Variants in FGD1 observed in about 807,000 individuals in gnomAD.
The protein encoded by FGD1 is FYVE, RhoGEF and PH domain containing 1.
Under a neutral mutation model 65.0 loss-of-function variants are expected in FGD1, and 12 were observed. The ratio of observed to expected loss-of-function variants is 0.18; its 90% CI spans 0.12 to 0.30. The LOEUF (loss-of-function observed/expected upper bound fraction) is 0.30, where lower values mean the gene tolerates loss of function less well. FGD1 is among the 10% of genes least tolerant of loss of function. The pLI, the probability that FGD1 is intolerant of heterozygous loss-of-function variation, is 1.00. For synonymous variants in FGD1, 333 were observed against 343.9 expected, an observed-to-expected ratio of 0.97 and a Z score of 0.35; for missense variants, 542 against 837.6, an observed-to-expected ratio of 0.65 and a Z score of 4.36.
chrX:54,461,543 G>A (rs1254897477), intron 8 of FGD1, among the ~76,000 whole-genome samples: 1 of 98,375 alleles, frequency 1.0e-5, no homozygotes, highest in Admixed American at 1.2e-4. Flanking sequence ...GGAGGTTGCC[G>A]TGAGCCGAGA....
chrX:54,454,276 CA>C (rs1922444516), intron 12 of FGD1, among the ~76,000 whole-genome samples: 2 of 111,511 alleles, frequency 1.8e-5, no homozygotes, highest in Non-Finnish European at 3.8e-5. Context: ...ACCTGTAAAG[CA>C]TGTTACAGTT....
chrX:54,462,389 C>CTTTTTTT, intron 8 of FGD1, among the ~76,000 whole-genome samples: 1 of 79,574 alleles, frequency 1.3e-5, no homozygotes, highest in Non-Finnish European at 2.4e-5. Flanking sequence ...ACTTCCCATT[C>CTTTTTTT]TTTTTTTTTT....
chrX:54,447,466 G>C lies in FGD1; in HGVS notation c.2437-12C>G, dbSNP rs1252972952. On this transcript the variant is annotated splice_polypyrimidine_tract_variant and intron_variant, in intron 16 of 17. Transcript: ENST00000375135. The stretch of plus-strand genomic sequence containing the variant: ...ACTGAGGCCTGTTTCTGTGGCCAGA[G>C]ACACCGGGCATCAATGTTGACAGAA... The C allele has an allele frequency of 2.5e-6, 3 of 1,205,940 alleles. No homozygotes were observed. In the Admixed American group the frequency reaches 6.6e-5, roughly 27 times the overall value.
intron 1 of FGD1, among the ~76,000 whole-genome samples, chrX:54,480,570 C>T (rs759335965): frequency 5.8e-4 from 65 of 111,191 alleles, no homozygotes; most frequent in Non-Finnish European, 9.1e-4. Context: ...TTCTCCCCTC[C>T]ACCCAGGTGT....
Position 54,447,368 on chromosome X carries a change from T to G in FGD1, c.2523A>C (p.Ala841=), listed in dbSNP as rs1461870575. ...GTTCATTTTCAGGGACCACGAACCATGCCTTGTGCCATCCTTTGCCACCCT... is the reference window on the plus strand; with the variant it reads ...GTTCATTTTCAGGGACCACGAACCAGGCCTTGTGCCATCCTTTGCCACCCT... ...MEKGGKGWHK[A]WFVVPENEPL... is the part of the protein sequence containing the mutation. Residue 841 remains alanine, a synonymous_variant, in exon 17 of 18, where the codon GCA becomes GCC. Coordinates refer to ENST00000375135, the MANE Select transcript of FGD1 (RefSeq NM_004463.3). 1 of 1,210,417 alleles carries G rather than the reference T, an allele frequency of 8.3e-7. No homozygotes were observed. The highest frequency in any genetic ancestry group is 1.1e-6 in the Non-Finnish European group (1 of 895,164).
intron 8 of FGD1, among the ~76,000 whole-genome samples, chrX:54,458,172 T>C (rs1478631357): frequency 1.8e-5 from 2 of 112,205 alleles, no homozygotes; most frequent in Non-Finnish European, 3.8e-5. Context: ...TCACACAGTT[T>C]ACTGTCACTC....
chrX:54,458,801 A>G (rs997361480), intron 8 of FGD1, among the ~76,000 whole-genome samples: 1 of 111,488 alleles, frequency 9.0e-6, no homozygotes, highest in Non-Finnish European at 1.9e-5. Context: ...GTATTTATAC[A>G]TCTGCATCCA....
chrX:54,475,796 G>A (rs749191669), intron 1 of FGD1, among the ~76,000 whole-genome samples: 9 of 112,437 alleles, frequency 8.0e-5, no homozygotes, highest in African/African-American at 2.9e-4. Context: ...GGCCGGGCGC[G>A]GTGGCTCACG....
At position 54,449,771 on chromosome X, in the gene FGD1, G is replaced by A. The variant is rs1233458034; in HGVS notation, c.2047-11C>T. On this transcript the variant is annotated splice_polypyrimidine_tract_variant and intron_variant, in intron 13 of 17. Coordinates refer to ENST00000375135, the MANE Select transcript of FGD1 (RefSeq NM_004463.3). ...GGTGGAGTTGATGGCCTGGGGAGGA[G>A]GTGTAAGAAATGAGAAGTCAGATCA... 1 of 1,142,982 alleles carries A rather than the reference G, an allele frequency of 8.7e-7. No individual in the cohort carries two copies. The highest frequency in any genetic ancestry group is 1.2e-6 in the Non-Finnish European group (1 of 833,620). The allele number at this position is 1,142,982 out of a possible 1,213,427, so 94.2% of individuals were successfully genotyped here.
At chrX:54,449,325 C>T in intron 14 of FGD1, 57 bp from the exon 15 acceptor site, 1 of 1,193,888 alleles carries the variant, frequency 8.4e-7, no homozygotes, top group Non-Finnish European at 1.1e-6. Context: ...CCAGTCCAGC[C>T]AGCCCTTGTT....
chrX:54,470,219 C>T lies in FGD1; in HGVS notation c.898G>A (p.Val300Ile), dbSNP rs398124165. The change falls in exon 4 of 18, where the codon GTC (valine) becomes ATC (isoleucine). Residue 300 changes from valine to isoleucine, a missense_variant. By Grantham distance (29) the Val-to-Ile change is conservative (BLOSUM62 3). Around this residue, in one of 6 missense-constraint regions of FGD1, gnomAD observed 297 missense variants for 326.8 expected, o/e 0.91. Coordinates refer to ENST00000375135, the MANE Select transcript of FGD1 (RefSeq NM_004463.3). ...TGGCTGGGGGGCCCGTCATCACTGA[C>T]GAAGCAGGTCTCCTCGCTGTTGGAT... ...SPSNSEETCF[V>I]SDDGPPSHSL... The T allele has an allele frequency of 2.4e-5, 29 of 1,206,134 alleles. No individual in the cohort carries two copies. Among genetic ancestry groups the T allele is most frequent in the East Asian group, 6.0e-5 (2 of 33,595 alleles).
At chrX:54,464,478 C>G (rs772412286) in intron 8 of FGD1, among the ~76,000 whole-genome samples, 1 of 111,693 alleles carries the variant, frequency 9.0e-6, no homozygotes, top group East Asian at 2.8e-4. Context: ...TCATTGCTGA[C>G]TAGAATATAT....
chrX:54,486,169 C>T (rs1601960681), intron 1 of FGD1, among the ~76,000 whole-genome samples: 1 of 108,952 alleles, frequency 9.2e-6, no homozygotes, highest in Admixed American at 9.7e-5. Context: ...TCACTGCAAC[C>T]TCTGCCTCCT....
At chrX:54,486,008 T>G (rs1311171345) in intron 1 of FGD1, among the ~76,000 whole-genome samples, 5 of 110,466 alleles carry the variant, frequency 4.5e-5, no homozygotes. Context: ...CTCTTGACCT[T>G]GTGATCCACC....
intron 1 of FGD1, among the ~76,000 whole-genome samples, chrX:54,482,391 G>A (rs1178766530): frequency 2.7e-5 from 3 of 111,849 alleles, no homozygotes; most frequent in Non-Finnish European, 3.8e-5. Context: ...GATAGGGGGC[G>A]GTAGCTCCAC....
chrX:54,465,614 C>T (rs1490169673), intron 7 of FGD1, 25 bp from the exon 8 acceptor site: 1 of 1,208,204 alleles, frequency 8.3e-7, no homozygotes, highest in East Asian at 3.0e-5. Context: ...AGCAGAGGGG[C>T]TCAGATCTGG....
intron 1 of FGD1, 97 bp downstream of exon 1, chrX:54,495,029 G>A (rs1008267601): frequency 9.0e-5 from 86 of 954,414 alleles, no homozygotes; most frequent in Non-Finnish European, 1.2e-4. Context: ...AAGCGAGCCT[G>A]TTCCGAGGTG....
At chrX:54,485,744 T>G (rs1197395812) in intron 1 of FGD1, among the ~76,000 whole-genome samples, 2 of 110,328 alleles carry the variant, frequency 1.8e-5, no homozygotes, top group African/African-American at 3.3e-5. Context: ...GTGCTAGGAT[T>G]ACAGGTGTGA....
At position 54,465,762 on chromosome X, in the gene FGD1, G is replaced by A. The variant is rs1338479384; in HGVS notation, c.1431C>T (p.Ala477=). ...CTGTCCAGGTGTTGACCAGCTCCACGGCCCGGTCAAAGTTCTTCACATACT... is the reference window on the plus strand; with the variant it reads ...CTGTCCAGGTGTTGACCAGCTCCACAGCCCGGTCAAAGTTCTTCACATACT... ...YGEYVKNFDR[A]VELVNTWTER... The change falls in exon 7 of 18, where the codon GCC becomes GCT. Residue 477 remains alanine, a synonymous_variant. Transcript: ENST00000375135. 3.3e-6 allele frequency: 4 copies of A among 1,211,186 alleles called. No homozygotes were observed. Among genetic ancestry groups the A allele is most frequent in the Admixed American group, 2.2e-5 (1 of 45,935 alleles).
Sources: allele counts gnomAD v4.1 joint callset (sites outside exome capture counted in the v4.1 genomes callset), GRCh38; gene constraint gnomAD v4.1.1; regional missense constraint gnomAD v4.1.1; transcripts MANE v1.5; gene names NCBI Gene and HGNC (gene_info 2026-07-23, HGNC 2026-07-21).